CLASP1: variants seen among roughly 807,000 people sequenced by gnomAD.
CLASP1 encodes the protein CLIP-associating protein 1.
A neutral mutation model predicts 192.3 loss-of-function variants in CLASP1; 38 were observed. The observed-to-expected ratio is 0.20, with a 90% CI of 0.15 to 0.26. CLASP1 has a LOEUF of 0.26. Among genes scored for constraint, CLASP1 ranks in the 10% least tolerant of loss-of-function variants. The pLI is 1.00. For missense variants in CLASP1, 1,433 were observed against 1,932.5 expected (o/e 0.74, Z 4.85); for synonymous variants, 691 against 712.8 (o/e 0.97, Z 0.49).
At chr2:121,527,888 G>A (rs763178155) in exon 5 of CLASP1, 17 of 1,612,614 alleles carry the variant, frequency 1.1e-5, no homozygotes, top group African/African-American at 2.7e-5. Context: ...TGTCCCATAC[G>A]TACTGCAGAT....
exon 40 of CLASP1, chr2:121,340,481 A>G (rs1317620339): frequency 5.7e-6 from 1 of 174,458 alleles, no homozygotes; most frequent in Non-Finnish European, 1.2e-5. Context: ...ACCCCACCCC[A>G]CCCCCAAATA....
intron 8 of CLASP1, among the ~76,000 whole-genome samples, chr2:121,478,855 C>CACA (rs1559368393): frequency 0.012 from 680 of 56,872 alleles, 16 homozygotes; most frequent in East Asian, 0.08. Flanking sequence ...ACACCACACA[C>CACA]CACACCACAC....
At chr2:121,572,669 G>A (rs1244786951) in intron 2 of CLASP1, among the ~76,000 whole-genome samples, 1 of 152,150 alleles carries the variant, frequency 6.6e-6, no homozygotes, top group Non-Finnish European at 1.5e-5. Context: ...GCTGAGGAGG[G>A]CAGATCACCT....
At chr2:121,617,004 GAGGA>G (rs1254804495) in intron 1 of CLASP1, among the ~76,000 whole-genome samples, 2 of 152,222 alleles carry the variant, frequency 1.3e-5, no homozygotes, top group Non-Finnish European at 2.9e-5. Flanking sequence ...GTAGGTAGAA[GAGGA>G]AGGAAGATAA....
At chr2:121,492,494 TAAAC>T (rs1285387054) in intron 8 of CLASP1, among the ~76,000 whole-genome samples, 1 of 138,850 alleles carries the variant, frequency 7.2e-6, no homozygotes, top group East Asian at 2.2e-4. Context: ...AACAAAAAGA[TAAAC>T]AATTCGATTT....
intron 1 of CLASP1, among the ~76,000 whole-genome samples, chr2:121,615,710 G>A (rs986295552): frequency 2.0e-5 from 3 of 152,252 alleles, no homozygotes; most frequent in East Asian, 3.9e-4. Flanking sequence ...CTTGAACCCA[G>A]GAGGTGCAAG....
At chr2:121,530,453 TGGAGGACC>T in intron 2 of CLASP1, 128 bp from the exon 3 acceptor site, 1 of 643,138 alleles carries the variant, frequency 1.6e-6, no homozygotes, top group Non-Finnish European at 2.8e-6. Context: ...GCATGCCGAC[TGGAGGACC>T]AAAGAGATTA....
chr2:121,600,223 C>G (rs1234396583), intron 2 of CLASP1, among the ~76,000 whole-genome samples: 1 of 152,198 alleles, frequency 6.6e-6, no homozygotes, highest in African/African-American at 2.4e-5. Context: ...GTTCCATACT[C>G]TGGGCTCCAG....
intron 2 of CLASP1, among the ~76,000 whole-genome samples, chr2:121,577,367 T>G (rs2060625971): frequency 6.6e-6 from 1 of 152,034 alleles, no homozygotes; most frequent in African/African-American, 2.4e-5. Context: ...AAGTAGATCA[T>G]AACACATAAA....
intron 2 of CLASP1, among the ~76,000 whole-genome samples, chr2:121,593,764 A>G (rs2062733916): frequency 6.6e-6 from 1 of 151,708 alleles, no homozygotes; most frequent in Non-Finnish European, 1.5e-5. Context: ...TAATCCCACC[A>G]CTTTGGGAGG....
At chr2:121,537,274 C>A (rs981723769) in intron 2 of CLASP1, among the ~76,000 whole-genome samples, 2 of 151,986 alleles carry the variant, frequency 1.3e-5, no homozygotes, top group Non-Finnish European at 2.9e-5. Context: ...AGCCTGTAGT[C>A]TCAGCTACTC....
At chr2:121,517,829 C>G (rs546584171) in intron 6 of CLASP1, among the ~76,000 whole-genome samples, 16 of 126,788 alleles carry the variant, frequency 1.3e-4, no homozygotes, top group African/African-American at 4.4e-4. Flanking sequence ...CCACCACACT[C>G]TAGCCTCAGA....
chr2:121,570,618 A>G (rs1186604172), intron 2 of CLASP1, among the ~76,000 whole-genome samples: 1 of 152,238 alleles, frequency 6.6e-6, no homozygotes, highest in African/African-American at 2.4e-5. Context: ...TTCAAAAGGC[A>G]AGAGAGGGTG....
At chr2:121,517,858 CTTTTTTTT>C (rs70954553) in intron 6 of CLASP1, among the ~76,000 whole-genome samples, 32 of 30,820 alleles carry the variant, frequency 1.0e-3, no homozygotes, top group African/African-American at 4.1e-3. Flanking sequence ...AAGACTCAAG[CTTTTTTTT>C]TTTTTTTTTT....
intron 8 of CLASP1, among the ~76,000 whole-genome samples, chr2:121,477,613 CT>C (rs1423465034): frequency 1.3e-5 from 2 of 152,096 alleles, no homozygotes; most frequent in African/African-American, 2.4e-5. Context: ...ATAAAAACTG[CT>C]TTTTTGCACG....
chr2:121,491,954 T>C (rs1031175425), intron 8 of CLASP1, among the ~76,000 whole-genome samples: 1 of 152,244 alleles, frequency 6.6e-6, no homozygotes, highest in African/African-American at 2.4e-5. Context: ...TATTATTTCT[T>C]AGGAGTACCA....
At chr2:121,472,145 G>A (rs1054765349) in intron 8 of CLASP1, among the ~76,000 whole-genome samples, 3 of 152,124 alleles carry the variant, frequency 2.0e-5, no homozygotes, top group South Asian at 2.1e-4. Flanking sequence ...ACACTATCAC[G>A]CTTCACTCAC....
chr2:121,353,002 T>A (rs1212193268), intron 37 of CLASP1, among the ~76,000 whole-genome samples: 1 of 152,136 alleles, frequency 6.6e-6, no homozygotes, highest in African/African-American at 2.4e-5. Context: ...TGAGACAAGA[T>A]GTAAACCAGC....
chr2:121,561,904 G>A (rs948468064), intron 2 of CLASP1, among the ~76,000 whole-genome samples: 18 of 152,180 alleles, frequency 1.2e-4, no homozygotes, highest in Non-Finnish European at 1.6e-4. Context: ...ATGTCTGCAG[G>A]CATCAGGATT....
Sources: gnomAD v4.1 joint callset for allele counts (sites outside exome capture counted in the v4.1 genomes callset) on GRCh38, gnomAD v4.1.1 for gene constraint, MANE v1.5 for transcripts, NCBI Gene and HGNC (gene_info 2026-07-23, HGNC 2026-07-21) for gene names.